TAFA5: variants seen among roughly 807,000 people sequenced by gnomAD.
The protein encoded by TAFA5 is chemokine-like protein TAFA-5.
In TAFA5, 6 loss-of-function variants were observed where a neutral mutation model predicts 15.3. The ratio of observed to expected loss-of-function variants is 0.39; its 90% CI spans 0.21 to 0.77. The LOEUF is 0.77. Among genes scored for constraint, TAFA5 ranks in the 30% least tolerant of loss-of-function variants. TAFA5 has a pLI of 0.41. For synonymous variants in TAFA5, 103 were observed against 80.7 expected (o/e 1.28, Z -1.48); for missense variants, 161 against 193.1 (o/e 0.83, Z 0.98).
chr22:48,558,476 C>T (rs10427629), intron 1 of TAFA5, among the ~76,000 whole-genome samples: 3,900 of 152,250 alleles, frequency 0.026, 172 homozygotes, highest in African/African-American at 0.089. Context: ...CTTACAGGGA[C>T]GTATCCTCAA....
chr22:48,683,851 C>G (rs1433952598), intron 2 of TAFA5, among the ~76,000 whole-genome samples: 1 of 152,108 alleles, frequency 6.6e-6, no homozygotes, highest in Non-Finnish European at 1.5e-5. Flanking sequence ...TGAGTTCTCA[C>G]GAGATCTGAT....
intron 1 of TAFA5, among the ~76,000 whole-genome samples, chr22:48,611,053 C>T (rs1380546145): frequency 6.6e-6 from 1 of 151,984 alleles, no homozygotes; most frequent in Non-Finnish European, 1.5e-5. Context: ...CCTGCCTCAG[C>T]CTCCCTAGTA....
intron 1 of TAFA5, among the ~76,000 whole-genome samples, chr22:48,611,836 G>A (rs143216640): frequency 9.7e-4 from 147 of 152,296 alleles, no homozygotes; most frequent in Non-Finnish European, 1.7e-3. Context: ...CAGAGGCAGT[G>A]CCTGGGGTGT....
intron 2 of TAFA5, among the ~76,000 whole-genome samples, chr22:48,678,685 A>C (rs915183287): frequency 6.6e-6 from 1 of 151,818 alleles, no homozygotes; most frequent in African/African-American, 2.4e-5. Context: ...CCTGCGCTCA[A>C]GGAAGGATGC....
chr22:48,495,557 C>A (rs1339774382), intron 1 of TAFA5, among the ~76,000 whole-genome samples: 1 of 152,104 alleles, frequency 6.6e-6, no homozygotes, highest in Non-Finnish European at 1.5e-5. Flanking sequence ...GGAGGCTCCT[C>A]CATCCTTGTT....
At position 48,495,616 on chromosome 22, in the gene TAFA5, T is replaced by A. The variant is rs73433632; in HGVS notation, c.112+5912T>A. Among the ~76,000 whole-genome samples, 3 of 152,302 alleles carry A rather than the reference T, an allele frequency of 2.0e-5. No homozygotes were observed. In the East Asian group the frequency reaches 5.8e-4, roughly 29 times the overall value. On this transcript the variant is annotated intron_variant, in intron 1 of 3. Coordinates refer to ENST00000402357, the MANE Select transcript of TAFA5 (RefSeq NM_001082967.3). ...CCCCTGGCCCTGCACCCAGCCGGCA[T>A]GTCCATTCGTTGTCCCAAAGACATC...
At chr22:48,695,383 G>A (rs1256851667) in intron 2 of TAFA5, among the ~76,000 whole-genome samples, 1 of 152,146 alleles carries the variant, frequency 6.6e-6, no homozygotes, top group African/African-American at 2.4e-5. Flanking sequence ...GATTTCTCCT[G>A]GAATCTCACT....
chr22:48,739,944 G>A (rs1020447549), intron 3 of TAFA5, among the ~76,000 whole-genome samples: 1 of 152,172 alleles, frequency 6.6e-6, no homozygotes, highest in African/African-American at 2.4e-5. Context: ...AGCTCTGGGG[G>A]CCCTGCACCC....
At chr22:48,576,545 T>A in intron 1 of TAFA5, 1 of 1,517,836 alleles carries the variant, frequency 6.6e-7, no homozygotes, top group Non-Finnish European at 8.9e-7. Flanking sequence ...CTCGTCCTAG[T>A]GATCCACGCG....
At chr22:48,556,603 A>C (rs971109762) in intron 1 of TAFA5, among the ~76,000 whole-genome samples, 1 of 152,186 alleles carries the variant, frequency 6.6e-6, no homozygotes, top group African/African-American at 2.4e-5. Context: ...GCAGCAGGGG[A>C]TTCGTGTCCC....
intron 1 of TAFA5, chr22:48,545,295 C>A: frequency 4.1e-6 from 1 of 244,546 alleles, no homozygotes; most frequent in East Asian, 9.3e-5. Context: ...TTCCTGGTGG[C>A]CCCTGCCTCA....
intron 3 of TAFA5, among the ~76,000 whole-genome samples, chr22:48,714,412 C>G (rs780281727): frequency 6.6e-6 from 1 of 152,206 alleles, no homozygotes; most frequent in Non-Finnish European, 1.5e-5. Context: ...CTGACGGCCT[C>G]CTCCCAGCGC....
intron 3 of TAFA5, among the ~76,000 whole-genome samples, chr22:48,735,855 CTCCTAGAGTCCAT>C (rs1929996815): frequency 1.3e-5 from 2 of 148,832 alleles, no homozygotes; most frequent in African/African-American, 5.1e-5. Flanking sequence ...GAGAATCGCA[CTCCTAGAGTCCAT>C]CCCCCGCAGG....
intron 1 of TAFA5, among the ~76,000 whole-genome samples, chr22:48,588,034 G>A (rs1039813329): frequency 1.3e-5 from 2 of 152,216 alleles, no homozygotes; most frequent in African/African-American, 4.8e-5. Context: ...CAGGTGCCAG[G>A]AGCCCCCTTG....
intron 2 of TAFA5, among the ~76,000 whole-genome samples, chr22:48,686,907 G>GTTGA (rs1928375273): frequency 1.4e-5 from 1 of 71,636 alleles, no homozygotes; most frequent in African/African-American, 8.4e-5. Context: ...TGAATGGATG[G>GTTGA]ATGGATGGAT....
chr22:48,637,837 A>G (rs978013169), intron 1 of TAFA5, among the ~76,000 whole-genome samples: 1 of 151,728 alleles, frequency 6.6e-6, no homozygotes, highest in Non-Finnish European at 1.5e-5. Context: ...CCACACCCGC[A>G]GAAACTCTCC....
intron 1 of TAFA5, among the ~76,000 whole-genome samples, chr22:48,640,284 G>C (rs370499548): frequency 4.6e-5 from 7 of 152,168 alleles, no homozygotes; most frequent in Admixed American, 4.6e-4. Context: ...CCCACGCTGC[G>C]TGGGAGCTCA....
chr22:48,681,460 C>T lies in TAFA5; in HGVS notation c.263-26257C>T, dbSNP rs147510480. ...GAGTTCAGGACCAGCCTGGGGAACA[C>T]GGTGAAACCCTGTCTCTACTAAAAA... On this transcript the variant is annotated intron_variant, in intron 2 of 3. Coordinates refer to ENST00000402357, the MANE Select transcript of TAFA5 (RefSeq NM_001082967.3). 7.9e-3 allele frequency among the ~76,000 whole-genome samples: 1,153 copies of T among 145,518 alleles called. 25 individuals carry two copies. Among genetic ancestry groups the T allele is most frequent in the African/African-American group, 0.028 (1,075 of 38,818 alleles).
At chr22:48,541,612 C>T (rs1051036229) in intron 1 of TAFA5, among the ~76,000 whole-genome samples, 2 of 150,606 alleles carry the variant, frequency 1.3e-5, no homozygotes, top group East Asian at 1.9e-4. Context: ...CCCCCTGTGT[C>T]GGTGTTGGGA....
Sources: gnomAD v4.1 joint callset for allele counts (sites outside exome capture counted in the v4.1 genomes callset) on GRCh38, gnomAD v4.1.1 for gene constraint, MANE v1.5 for transcripts, NCBI Gene and HGNC (gene_info 2026-07-23, HGNC 2026-07-21) for gene names.